Variants in PRELID2 observed in about 807,000 individuals in gnomAD.
The protein encoded by PRELID2 is PRELI domain containing 2, also known as PRELI domain-containing protein 2.
Under a neutral mutation model 28.4 loss-of-function variants are expected in PRELID2, and 25 were observed. The observed-to-expected ratio is 0.88, with a 90% CI of 0.64 to 1.23. PRELID2 has a LOEUF of 1.23. Among genes scored for constraint, PRELID2 ranks in the 50% most tolerant of loss-of-function variants. PRELID2 has a pLI of 0.00. For missense variants in PRELID2, 201 were observed against 214.4 expected (o/e 0.94, Z 0.39); for synonymous variants, 76 against 71.6 (o/e 1.06, Z -0.31).
At chr5:145,400,518 A>T in the PRELID2 span, among the ~76,000 whole-genome samples, 1 of 152,266 alleles carries the variant, frequency 6.6e-6, no homozygotes, top group Non-Finnish European at 1.5e-5. Flanking sequence ...TAACATTTTT[A>T]AAATGAGGCA....
chr5:145,540,602 A>G (rs1157493871), intron 1 of PRELID2, among the ~76,000 whole-genome samples: 1 of 151,740 alleles, frequency 6.6e-6, no homozygotes, highest in East Asian at 1.9e-4. Flanking sequence ...CAGACAAACA[A>G]GTTAAATGAC....
chr5:145,280,793 A>T, the PRELID2 span, among the ~76,000 whole-genome samples: 322 of 101,794 alleles, frequency 3.2e-3, 10 homozygotes, highest in East Asian at 0.08. Flanking sequence ...TGTGGTGCAG[A>T]TTGATTCATG....
intron 2 of PRELID2, among the ~76,000 whole-genome samples, chr5:145,821,169 GTGTGTGTGTGTGTAAGTCCTCTTC>G (rs1754773752): frequency 2.0e-5 from 2 of 97,816 alleles, no homozygotes; most frequent in African/African-American, 6.7e-5. Flanking sequence ...GTGTGTGTGT[GTGTGTGTGTGTGTAAGTCCTCTTC>G]TGTGTGTGTG....
chr5:145,229,444 G>A, the PRELID2 span: 1 of 825,460 alleles, frequency 1.2e-6, no homozygotes, highest in Non-Finnish European at 2.1e-6. Context: ...TCTACACAAA[G>A]ATCCAGGACC....
chr5:145,788,117 G>A (rs922467060), intron 5 of PRELID2, among the ~76,000 whole-genome samples: 7 of 152,158 alleles, frequency 4.6e-5, no homozygotes, highest in Admixed American at 6.5e-5. Flanking sequence ...TGGCCTGGGT[G>A]TCTTCCAGCT....
the PRELID2 span, among the ~76,000 whole-genome samples, chr5:145,426,479 GA>G: frequency 6.6e-6 from 1 of 152,136 alleles, no homozygotes; most frequent in Admixed American, 6.5e-5. Flanking sequence ...AATTCCCCAT[GA>G]AGGTCCAACT....
At chr5:145,740,316 A>G (rs1280043385) in intron 1 of PRELID2, among the ~76,000 whole-genome samples, 1 of 104,282 alleles carries the variant, frequency 9.6e-6, no homozygotes, top group East Asian at 3.1e-4. Context: ...ATATATATAT[A>G]TATAAATCCT....
the PRELID2 span, among the ~76,000 whole-genome samples, chr5:145,439,168 C>T: frequency 6.6e-6 from 1 of 152,114 alleles, no homozygotes; most frequent in Non-Finnish European, 1.5e-5. Flanking sequence ...AGATGGGATG[C>T]TCTGCAGAAT....
the PRELID2 span, among the ~76,000 whole-genome samples, chr5:145,240,536 T>G: frequency 6.6e-6 from 1 of 152,032 alleles, no homozygotes; most frequent in Non-Finnish European, 1.5e-5. Context: ...ATTGTGTATA[T>G]CTCAACATTT....
chr5:145,577,185 C>T (rs1265137702), intron 1 of PRELID2, among the ~76,000 whole-genome samples: 1 of 152,044 alleles, frequency 6.6e-6, no homozygotes, highest in African/African-American at 2.4e-5. Context: ...CAGTGCATAG[C>T]CAGAGTATCA....
the PRELID2 span, among the ~76,000 whole-genome samples, chr5:145,320,133 A>T: frequency 6.6e-6 from 1 of 152,246 alleles, no homozygotes; most frequent in Non-Finnish European, 1.5e-5. Context: ...GTCTGGCTAC[A>T]CACTGGATTG....
At chr5:145,724,727 TATATA>T (rs1159256718) in intron 1 of PRELID2, among the ~76,000 whole-genome samples, 1 of 136,356 alleles carries the variant, frequency 7.3e-6, no homozygotes, top group East Asian at 2.1e-4. Context: ...ATATATAATA[TATATA>T]ATATAAAATA....
At chr5:145,335,506 T>C in the PRELID2 span, among the ~76,000 whole-genome samples, 215 of 152,274 alleles carry the variant, frequency 1.4e-3, no homozygotes, top group Non-Finnish European at 2.0e-3. Context: ...ATTGTGTTTA[T>C]CAGTTACTGA....
chr5:145,813,367 C>T (rs1561639329), intron 4 of PRELID2, among the ~76,000 whole-genome samples: 2 of 152,314 alleles, frequency 1.3e-5, no homozygotes, highest in East Asian at 3.9e-4. Flanking sequence ...AAATCCATGT[C>T]AAGAGCTAAG....
intron 1 of PRELID2, among the ~76,000 whole-genome samples, chr5:145,511,931 C>T (rs912569993): frequency 6.6e-5 from 10 of 152,102 alleles, no homozygotes; most frequent in African/African-American, 2.2e-4. Context: ...TACTTACTTA[C>T]TGGGGCAGTG....
intron 1 of PRELID2, among the ~76,000 whole-genome samples, chr5:145,721,791 G>A (rs1402536721): frequency 6.6e-6 from 1 of 152,018 alleles, no homozygotes; most frequent in Non-Finnish European, 1.5e-5. Flanking sequence ...TTAATAAGAA[G>A]GCAGGGTTTG....
chr5:145,507,053 C>T (rs1752418451), intron 1 of PRELID2, among the ~76,000 whole-genome samples: 1 of 152,162 alleles, frequency 6.6e-6, no homozygotes, highest in Non-Finnish European at 1.5e-5. Flanking sequence ...TAAACTGCAA[C>T]TAGAGCATCA....
intron 1 of PRELID2, among the ~76,000 whole-genome samples, chr5:145,485,374 G>A (rs989290347): frequency 6.6e-6 from 1 of 152,186 alleles, no homozygotes; most frequent in African/African-American, 2.4e-5. Context: ...GTACTTCCAA[G>A]GAACATACAA....
intron 4 of PRELID2, among the ~76,000 whole-genome samples, chr5:145,798,267 G>A (rs374687493): frequency 9.9e-5 from 15 of 152,216 alleles, no homozygotes; most frequent in African/African-American, 2.9e-4. Context: ...TCCACATTAC[G>A]GGAATCTCAG....
Sources: allele counts gnomAD v4.1 joint callset (sites outside exome capture counted in the v4.1 genomes callset), GRCh38; gene constraint gnomAD v4.1.1; transcripts MANE v1.5; gene names NCBI Gene and HGNC (gene_info 2026-07-23, HGNC 2026-07-21).